CATSPERT: variants seen among roughly 807,000 people sequenced by gnomAD.
The protein encoded by CATSPERT is cation channel sperm-associated targeting subunit tau.
chr2:201,592,009 C>A, the CATSPERT span, among the ~76,000 whole-genome samples: 5 of 152,098 alleles, frequency 3.3e-5, no homozygotes, highest in Non-Finnish European at 5.9e-5. Flanking sequence ...CTGGCCAGAA[C>A]TTCCAACACT....
the CATSPERT span, chr2:201,618,923 C>T: frequency 1.2e-6 from 2 of 1,613,784 alleles, no homozygotes; most frequent in South Asian, 2.2e-5. Flanking sequence ...TGCCCGGTGC[C>T]CTCCTGGTTC....
the CATSPERT span, among the ~76,000 whole-genome samples, chr2:201,560,816 T>A: frequency 5.8e-4 from 88 of 151,976 alleles, no homozygotes; most frequent in Non-Finnish European, 1.0e-3. Flanking sequence ...AGAGTCTTGT[T>A]CTGTCGCCCA....
the CATSPERT span, among the ~76,000 whole-genome samples, chr2:201,561,969 T>C: frequency 6.6e-6 from 1 of 152,080 alleles, no homozygotes; most frequent in African/African-American, 2.4e-5. Flanking sequence ...TTATGGTCTA[T>C]AAGGCTCTGA....
chr2:201,565,726 T>TA, the CATSPERT span: 2 of 1,491,416 alleles, frequency 1.3e-6, no homozygotes, highest in Non-Finnish European at 1.8e-6. Flanking sequence ...TTTTTTTTTT[T>TA]ACCTTTCCCG....
chr2:201,534,829 C>T, the CATSPERT span: 4 of 832,566 alleles, frequency 4.8e-6, no homozygotes, highest in Non-Finnish European at 5.8e-6. Context: ...TGTTTAAAAA[C>T]TTATGGAATA....
the CATSPERT span, among the ~76,000 whole-genome samples, chr2:201,597,587 G>A: frequency 6.6e-6 from 1 of 151,998 alleles, no homozygotes; most frequent in Admixed American, 6.6e-5. Flanking sequence ...TCCGCTGTGC[G>A]GGAATCACTG....
At chr2:201,618,978 G>C in the CATSPERT span, 1 of 1,613,998 alleles carries the variant, frequency 6.2e-7, no homozygotes, top group Non-Finnish European at 8.5e-7. Flanking sequence ...GGGCGTAAGG[G>C]ACCGAAGAAG....
chr2:201,587,761 A>T, the CATSPERT span, among the ~76,000 whole-genome samples: 1 of 152,102 alleles, frequency 6.6e-6, no homozygotes, highest in African/African-American at 2.4e-5. Flanking sequence ...TAGTTCTTTA[A>T]ATATTTCCTC....
the CATSPERT span, chr2:201,492,714 C>CATGG: frequency 6.5e-7 from 1 of 1,535,278 alleles, no homozygotes. Context: ...TGACAAAAGA[C>CATGG]ATGATTTCTT....
chr2:201,577,677 T>C, the CATSPERT span, among the ~76,000 whole-genome samples: 2 of 152,110 alleles, frequency 1.3e-5, no homozygotes, highest in Non-Finnish European at 2.9e-5. Context: ...CTGTGGAACC[T>C]AAAAAAGTCA....
the CATSPERT span, chr2:201,492,281 G>A: frequency 6.5e-7 from 1 of 1,533,580 alleles, no homozygotes; most frequent in African/African-American, 1.4e-5. Context: ...CTAGAATTAA[G>A]CAAATTTATA....
chr2:201,582,231 T>C, the CATSPERT span: 1 of 1,578,054 alleles, frequency 6.3e-7, no homozygotes, highest in Non-Finnish European at 8.6e-7. Context: ...AATATCAAAA[T>C]ATATAAGAAA....
the CATSPERT span, among the ~76,000 whole-genome samples, chr2:201,503,109 C>T: frequency 3.3e-5 from 5 of 152,064 alleles, no homozygotes; most frequent in Non-Finnish European, 4.4e-5. Context: ...CCTTCTTGAA[C>T]GTATGAACTA....
chr2:201,590,808 C>A, the CATSPERT span, among the ~76,000 whole-genome samples: 1 of 151,554 alleles, frequency 6.6e-6, no homozygotes, highest in Non-Finnish European at 1.5e-5. Flanking sequence ...CTGTTCATGT[C>A]CTTTGCCCAC....
At chr2:201,517,523 G>A in the CATSPERT span, among the ~76,000 whole-genome samples, 4 of 152,166 alleles carry the variant, frequency 2.6e-5, no homozygotes, top group Non-Finnish European at 5.9e-5. Context: ...CTTACAAGCT[G>A]TCAAGTTATC....
chr2:201,590,728 G>C, the CATSPERT span, among the ~76,000 whole-genome samples: 1 of 152,174 alleles, frequency 6.6e-6, no homozygotes, highest in Non-Finnish European at 1.5e-5. Flanking sequence ...GCATTTCTCT[G>C]ATGGCCAGTG....
chr2:201,532,379 T>C, the CATSPERT span, among the ~76,000 whole-genome samples: 1 of 152,212 alleles, frequency 6.6e-6, no homozygotes, highest in African/African-American at 2.4e-5. Context: ...GAGGAGGGAA[T>C]CTAAATTAGG....
chr2:201,614,134 T>C, the CATSPERT span, among the ~76,000 whole-genome samples: 2 of 152,208 alleles, frequency 1.3e-5, no homozygotes, highest in Admixed American at 6.5e-5. Flanking sequence ...GAAAACACTC[T>C]TCAGGATATT....
At chr2:201,596,558 C>A in the CATSPERT span, among the ~76,000 whole-genome samples, 1 of 152,140 alleles carries the variant, frequency 6.6e-6, no homozygotes, top group Non-Finnish European at 1.5e-5. Context: ...TGCACATGTA[C>A]CCCAGAACTT....
Sources: allele counts gnomAD v4.1 joint callset (sites outside exome capture counted in the v4.1 genomes callset), GRCh38; gene constraint gnomAD v4.1.1; transcripts MANE v1.5; gene names NCBI Gene and HGNC (gene_info 2026-07-23, HGNC 2026-07-21).